STK39: variants seen among roughly 807,000 people sequenced by gnomAD.
The protein encoded by STK39 is serine/threonine kinase 39, also known as STE20/SPS1-related proline-alanine-rich protein kinase.
In STK39, 20 loss-of-function variants were observed where a neutral mutation model predicts 77.8. The observed-to-expected ratio is 0.26, with a 90% confidence interval of 0.18 to 0.37. STK39 has a LOEUF of 0.37. STK39 is among the 10% of genes least tolerant of loss of function. STK39 has a pLI of 1.00. For missense variants in STK39, 479 were observed against 656.5 expected, an observed-to-expected ratio of 0.73 and a Z score of 2.95; for synonymous variants, 246 against 234.1, an observed-to-expected ratio of 1.05 and a Z score of -0.47.
chr2:168,159,528 T>G (rs1185645073), intron 5 of STK39, among the ~76,000 whole-genome samples: 1 of 152,206 alleles, frequency 6.6e-6, no homozygotes, highest in Non-Finnish European at 1.5e-5. Context: ...AAGGAGACAT[T>G]AAAAATGCTT....
intron 8 of STK39, among the ~76,000 whole-genome samples, chr2:168,132,271 T>C (rs946572562): frequency 1.3e-5 from 2 of 152,296 alleles, no homozygotes; most frequent in Middle Eastern, 3.4e-3. Flanking sequence ...CTGGTTCTGT[T>C]TGAAGCCCTC....
chr2:168,014,318 C>T (rs955512336), intron 15 of STK39, among the ~76,000 whole-genome samples: 1 of 152,054 alleles, frequency 6.6e-6, no homozygotes, highest in Non-Finnish European at 1.5e-5. Flanking sequence ...GACGCCATCT[C>T]TACAAAGCGT....
chr2:167,997,361 T>C (rs1683873434), intron 16 of STK39, among the ~76,000 whole-genome samples: 1 of 152,106 alleles, frequency 6.6e-6, no homozygotes, highest in Admixed American at 6.6e-5. Context: ...AGCTTGATGT[T>C]TGATAGGAGG....
At position 168,063,563 on chromosome 2, in the gene STK39, G is replaced by A. The variant is rs776513083; in HGVS notation, c.1313C>T (p.Pro438Leu). The A allele has an allele frequency of 6.2e-7, 1 of 1,610,794 alleles. No individual in the cohort carries two copies. The highest frequency in any genetic ancestry group is 1.1e-5 in the South Asian group (1 of 90,082). ...TTCTCTGTAGTCTTCATTAGCATTG[G>A]GTGGGCCCTTTAAAAAGAAAACAGC... ...SLSVHDSQGP[P>L]NANEDYREAS... is the part of the protein sequence containing the mutation. Residue 438 changes from proline to leucine, a missense_variant, in exon 14 of 18, where the codon CCC becomes CTC. Coordinates refer to ENST00000355999, the MANE Select transcript of STK39 (RefSeq NM_013233.3).
intron 16 of STK39, among the ~76,000 whole-genome samples, chr2:167,995,215 T>A (rs989479146): frequency 6.6e-6 from 1 of 152,012 alleles, no homozygotes; most frequent in Non-Finnish European, 1.5e-5. Flanking sequence ...GTTCAAGCGA[T>A]TCTCCTGCCT....
At chr2:168,059,175 G>C (rs1188587121) in intron 14 of STK39, among the ~76,000 whole-genome samples, 1 of 152,150 alleles carries the variant, frequency 6.6e-6, no homozygotes, top group Non-Finnish European at 1.5e-5. Context: ...TATTTGGAGA[G>C]GCCTTCTGTG....
chr2:168,073,761 G>A (rs1394223081), intron 12 of STK39, among the ~76,000 whole-genome samples: 1 of 152,044 alleles, frequency 6.6e-6, no homozygotes, highest in Non-Finnish European at 1.5e-5. Context: ...CCCGAGTACA[G>A]ATGCCTGCCA....
intron 1 of STK39, among the ~76,000 whole-genome samples, chr2:168,221,784 C>A (rs564385962): frequency 6.6e-6 from 1 of 152,056 alleles, no homozygotes; most frequent in African/African-American, 2.4e-5. Flanking sequence ...GATGTAGCAA[C>A]GCTGGCACTC....
chr2:168,031,766 A>G (rs1337707371), intron 14 of STK39, among the ~76,000 whole-genome samples: 2 of 152,226 alleles, frequency 1.3e-5, no homozygotes, highest in Non-Finnish European at 2.9e-5. Context: ...GTAGACTTCT[A>G]GGCGCCAGAA....
At chr2:168,039,311 G>GTGACTGCCTTTGCCAGA (rs1574412902) in intron 14 of STK39, among the ~76,000 whole-genome samples, 2 of 87,768 alleles carry the variant, frequency 2.3e-5, no homozygotes, top group African/African-American at 3.4e-5. Context: ...AAGCAGATCA[G>GTGACTGCCTTTGCCAGA]GCCGGGCGCG....
At chr2:168,157,659 C>T (rs111817374) in intron 5 of STK39, among the ~76,000 whole-genome samples, 1 of 152,142 alleles carries the variant, frequency 6.6e-6, no homozygotes. Context: ...ACTGGCCCTA[C>T]TCATGAGGGT....
At chr2:168,017,244 GAT>G (rs201756117) in intron 14 of STK39, 149 bp from the exon 15 acceptor site, 7,199 of 440,824 alleles carry the variant, frequency 0.016, 79 homozygotes, top group Non-Finnish European at 0.022. Context: ...AACTGGAAAA[GAT>G]AGTTATAACA....
intron 5 of STK39, among the ~76,000 whole-genome samples, chr2:168,156,830 G>T (rs1383201065): frequency 1.3e-5 from 2 of 152,210 alleles, no homozygotes; most frequent in African/African-American, 4.8e-5. Context: ...CTGATTGGAT[G>T]CCTCCGGGGC....
intron 14 of STK39, among the ~76,000 whole-genome samples, chr2:168,032,938 A>C (rs187416842): frequency 6.6e-6 from 1 of 152,224 alleles, no homozygotes; most frequent in Non-Finnish European, 1.5e-5. Flanking sequence ...CTGAATGTTC[A>C]TTTGAAAAAT....
Position 168,126,825 on chromosome 2 carries a change from C to G in STK39, c.1089+2716G>C, listed in dbSNP as rs144155364. Among the ~76,000 whole-genome samples the G allele has an allele frequency of 2.0e-5, 3 of 152,080 alleles. No individual in the cohort carries two copies. In the East Asian group the frequency reaches 5.8e-4, roughly 29 times the overall value. On this transcript the variant is annotated intron_variant, in intron 10 of 17. Transcript: ENST00000355999. ...TGCTCATTAAAATTAGAATTATGAT[C>G]GGAAAACAGCCAATATTATGAAACT...
At chr2:168,047,345 T>A (rs1685270454) in intron 14 of STK39, among the ~76,000 whole-genome samples, 1 of 152,256 alleles carries the variant, frequency 6.6e-6, no homozygotes, top group Non-Finnish European at 1.5e-5. Flanking sequence ...TCATTTTAAG[T>A]GCTTTAGAGG....
intron 14 of STK39, among the ~76,000 whole-genome samples, chr2:168,046,804 GA>G (rs1160525882): frequency 2.0e-5 from 3 of 152,220 alleles, no homozygotes; most frequent in African/African-American, 7.2e-5. Context: ...GGATAAAGGT[GA>G]AACTGCATAA....
In STK39 at chr2:167,973,427, A is replaced by C. The variant is rs367656024; in HGVS notation, c.1499-8701T>G. 1.1e-4 allele frequency among the ~76,000 whole-genome samples: 16 copies of C among 152,334 alleles called. 1 individual carries two copies. The highest frequency in any genetic ancestry group is 3.4e-3 in the Middle Eastern group (1 of 294). On this transcript the variant is annotated intron_variant, in intron 16 of 17. Coordinates refer to ENST00000355999, the MANE Select transcript of STK39 (RefSeq NM_013233.3). ...AGCTATGCAAAGAAGGTTATAAAGA[A>C]AATGGATTTTATACCAGAAAGGATT... is the stretch of plus-strand genomic sequence containing the variant.
chr2:168,146,599 AG>A (rs1688146969), intron 5 of STK39, among the ~76,000 whole-genome samples: 1 of 152,210 alleles, frequency 6.6e-6, no homozygotes, highest in Admixed American at 6.5e-5. Context: ...TTTTAAAAGC[AG>A]GGAAGTACTG....
Sources: gnomAD v4.1 joint callset for allele counts (sites outside exome capture counted in the v4.1 genomes callset) on GRCh38, gnomAD v4.1.1 for gene constraint, MANE v1.5 for transcripts, NCBI Gene and HGNC (gene_info 2026-07-23, HGNC 2026-07-21) for gene names.